Variants in SYT1 observed in about 807,000 individuals in gnomAD.
SYT1 encodes the protein synaptotagmin-1.
In SYT1, 8 loss-of-function variants were observed where a neutral mutation model predicts 44.8. That is an observed-to-expected ratio of 0.18 (90% confidence interval 0.10 to 0.32). The LOEUF is 0.32. Ranked by LOEUF, SYT1 falls within the 10% of genes least tolerant of loss-of-function variation. The pLI, the probability that SYT1 is intolerant of heterozygous loss-of-function variation, is 1.00. For missense variants in SYT1, 286 were observed against 509.3 expected, an observed-to-expected ratio of 0.56 and a Z score of 4.22; for synonymous variants, 154 against 188.8, an observed-to-expected ratio of 0.82 and a Z score of 1.51.
intron 1 of SYT1, among the ~76,000 whole-genome samples, chr12:78,907,241 T>C (rs1876043458): frequency 6.6e-6 from 1 of 152,050 alleles, no homozygotes; most frequent in Non-Finnish European, 1.5e-5. Flanking sequence ...GACAATTGAA[T>C]CTTAAGTATT....
At chr12:79,140,087 AGCTGCCAGAAACTC>A (rs1198259379) in intron 3 of SYT1, among the ~76,000 whole-genome samples, 3 of 152,238 alleles carry the variant, frequency 2.0e-5, no homozygotes, top group Non-Finnish European at 4.4e-5. Flanking sequence ...AGGGGCACAC[AGCTGCCAGAAACTC>A]GCTTCATCTG....
chr12:78,867,995 GT>G, intron 1 of SYT1, among the ~76,000 whole-genome samples: 2 of 151,892 alleles, frequency 1.3e-5, no homozygotes, highest in African/African-American at 4.8e-5. Context: ...CATAATATCA[GT>G]TCATCACTTT....
At chr12:78,932,207 G>A (rs1325288079) in intron 1 of SYT1, among the ~76,000 whole-genome samples, 1 of 152,136 alleles carries the variant, frequency 6.6e-6, no homozygotes, top group Non-Finnish European at 1.5e-5. Flanking sequence ...TAGGTTTTTG[G>A]TTTGGTTTTG....
At chr12:79,167,898 G>A (rs1364613205) in intron 3 of SYT1, among the ~76,000 whole-genome samples, 1 of 151,908 alleles carries the variant, frequency 6.6e-6, no homozygotes, top group African/African-American at 2.4e-5. Flanking sequence ...CTCATAAGGA[G>A]CGTAACAACC....
intron 1 of SYT1, among the ~76,000 whole-genome samples, chr12:78,941,926 C>T (rs867305469): frequency 6.6e-6 from 1 of 152,208 alleles, no homozygotes; most frequent in African/African-American, 2.4e-5. Context: ...AGGACCATCA[C>T]TTTCCTCTTA....
chr12:79,419,563 A>G (rs1373319405), intron 9 of SYT1, among the ~76,000 whole-genome samples: 1 of 152,200 alleles, frequency 6.6e-6, no homozygotes, highest in African/African-American at 2.4e-5. Flanking sequence ...GCACTGCTTT[A>G]TCTACATGGC....
intron 4 of SYT1, among the ~76,000 whole-genome samples, chr12:79,280,404 G>A (rs923536810): frequency 6.6e-6 from 1 of 152,038 alleles, no homozygotes; most frequent in Non-Finnish European, 1.5e-5. Context: ...CTGGGGAATC[G>A]ATATCCTATT....
rs566175647 is a variant in SYT1, at chr12:78,894,330, G to GTTTTTTTTT, written c.-217+29248_-217+29256dup. Among the ~76,000 whole-genome samples the GTTTTTTTTT allele has an allele frequency of 6.5e-4, 18 of 27,732 alleles. 4 individuals carry two copies. The highest frequency in any genetic ancestry group is 3.5e-3 in the East Asian group (2 of 564). The allele number at this position is 27,732 out of a possible 152,430, so 18.2% of individuals were successfully genotyped here. On this transcript the variant is annotated intron_variant, in intron 1 of 10. Transcript: ENST00000261205. The stretch of plus-strand genomic sequence containing the variant: ...AATTTATGATTGTGTTTTTTAATCT[G>GTTTTTTTTT]TTTTTTTTTTTTTTTTTTTTTTTTT...
chr12:79,328,249 C>A (rs935239355), intron 8 of SYT1, among the ~76,000 whole-genome samples: 2 of 152,096 alleles, frequency 1.3e-5, no homozygotes, highest in African/African-American at 4.8e-5. Flanking sequence ...GCAGAGAAAG[C>A]TATTGAAAAT....
intron 3 of SYT1, among the ~76,000 whole-genome samples, chr12:79,060,160 C>A (rs1875268160): frequency 6.6e-6 from 1 of 152,070 alleles, no homozygotes; most frequent in Admixed American, 6.6e-5. Context: ...CTTGTTTATC[C>A]AGCTCTATCA....
At chr12:79,080,723 G>A (rs1335914116) in intron 3 of SYT1, among the ~76,000 whole-genome samples, 1 of 152,100 alleles carries the variant, frequency 6.6e-6, no homozygotes, top group Non-Finnish European at 1.5e-5. Flanking sequence ...TATCTTAAAG[G>A]CATTCAGATC....
At chr12:79,143,388 A>G (rs1659962064) in intron 3 of SYT1, among the ~76,000 whole-genome samples, 1 of 152,194 alleles carries the variant, frequency 6.6e-6, no homozygotes, top group African/African-American at 2.4e-5. Flanking sequence ...ACTGGTTTAT[A>G]TCCTCAACCA....
intron 8 of SYT1, among the ~76,000 whole-genome samples, chr12:79,310,558 A>G (rs1012504042): frequency 6.6e-6 from 1 of 152,172 alleles, no homozygotes; most frequent in Non-Finnish European, 1.5e-5. Flanking sequence ...GAAGAAAGTC[A>G]TTGGTAGCTT....
chr12:79,039,944 A>G (rs1355164116), intron 2 of SYT1, among the ~76,000 whole-genome samples: 1 of 146,566 alleles, frequency 6.8e-6, no homozygotes, highest in African/African-American at 2.5e-5. Flanking sequence ...CCTACAAAGG[A>G]CATGAACTCA....
chr12:78,998,803 C>T (rs922312460), intron 2 of SYT1, among the ~76,000 whole-genome samples: 1 of 152,140 alleles, frequency 6.6e-6, no homozygotes, highest in Admixed American at 6.5e-5. Context: ...AGCTTTTGGA[C>T]ATAAAGCACT....
chr12:79,394,308 G>A (rs1467896694), intron 9 of SYT1, among the ~76,000 whole-genome samples: 6 of 152,176 alleles, frequency 3.9e-5, no homozygotes, highest in Admixed American at 1.3e-4. Flanking sequence ...CAAAGCAGTT[G>A]TTAAAATGGA....
chr12:79,063,270 T>C (rs573135680), intron 3 of SYT1, among the ~76,000 whole-genome samples: 1 of 152,322 alleles, frequency 6.6e-6, no homozygotes, highest in Non-Finnish European at 1.5e-5. Flanking sequence ...TTTATGCTTC[T>C]ATTTTATCAG....
chr12:78,981,323 C>T (rs1442104500), intron 2 of SYT1, among the ~76,000 whole-genome samples: 2 of 151,970 alleles, frequency 1.3e-5, no homozygotes, highest in Non-Finnish European at 2.9e-5. Flanking sequence ...GATGGGGTTT[C>T]TCCATGTTGG....
chr12:79,242,847 A>G (rs946970116), intron 4 of SYT1, among the ~76,000 whole-genome samples: 1 of 152,168 alleles, frequency 6.6e-6, no homozygotes, highest in African/African-American at 2.4e-5. Context: ...TGAAAATTGT[A>G]CCTTGCTGCT....
Sources: gnomAD v4.1 joint callset for allele counts (sites outside exome capture counted in the v4.1 genomes callset) on GRCh38, gnomAD v4.1.1 for gene constraint, MANE v1.5 for transcripts, NCBI Gene and HGNC (gene_info 2026-07-23, HGNC 2026-07-21) for gene names.